ERGIC2: variants seen among roughly 807,000 people sequenced by gnomAD.
ERGIC2 encodes the protein ERGIC and golgi 2.
Under a neutral mutation model 52.5 loss-of-function variants are expected in ERGIC2, and 31 were observed. That is an observed-to-expected ratio of 0.59 (90% CI 0.44 to 0.80). The LOEUF (loss-of-function observed/expected upper bound fraction) is 0.80, where lower values mean the gene tolerates loss of function less well. Ranked by LOEUF, ERGIC2 falls within the 30% of genes least tolerant of loss-of-function variation. The pLI is 0.00. For missense variants in ERGIC2, 395 were observed against 455.2 expected, an observed-to-expected ratio of 0.87 and a Z score of 1.20; for synonymous variants, 129 against 140.6, an observed-to-expected ratio of 0.92 and a Z score of 0.58.
intron 6 of ERGIC2, among the ~76,000 whole-genome samples, chr12:29,358,574 C>G (rs188532297): frequency 1.3e-5 from 2 of 152,110 alleles, no homozygotes; most frequent in Admixed American, 1.3e-4. Context: ...ATTATAACAA[C>G]TATATCCAAT....
At chr12:29,367,046 GCAA>G in intron 4 of ERGIC2, 99 bp from the exon 5 acceptor site, 3 of 269,874 alleles carry the variant, frequency 1.1e-5, no homozygotes, top group East Asian at 5.9e-5. Context: ...AACTCACCAA[GCAA>G]AAAAAAAAAA....
At chr12:29,357,025 T>A (rs1940216301) in intron 7 of ERGIC2, among the ~76,000 whole-genome samples, 1 of 144,114 alleles carries the variant, frequency 6.9e-6, no homozygotes, top group Admixed American at 6.8e-5. Context: ...TGGAGTGTAG[T>A]GGTGCAATCT....
chr12:29,378,389 C>G (rs1273767207), intron 1 of ERGIC2, among the ~76,000 whole-genome samples: 6 of 152,150 alleles, frequency 3.9e-5, no homozygotes, highest in African/African-American at 1.4e-4. Context: ...TTGTTTTAAG[C>G]CTCCCAGCTT....
rs1037138615 is a variant in ERGIC2 at position 29,339,550 on chromosome 12, A to C, written c.*1606T>G. On this transcript the variant is annotated 3_prime_UTR_variant, in exon 14 of 14. Coordinates refer to ENST00000360150, the MANE Select transcript of ERGIC2 (RefSeq NM_016570.3). The stretch of plus-strand genomic sequence containing the variant: ...CCTAGAGAAGGCTCATTCACGATTC[A>C]GAATTTTCTGTTTAAAAATCTTTCA... The C allele has an allele frequency of 3.3e-5, 5 of 152,212 alleles. No individual in the cohort carries two copies. Among genetic ancestry groups the C allele is most frequent in the Non-Finnish European group, 5.9e-5 (4 of 68,018 alleles). 9.4% of individuals were successfully genotyped at this position (152,212 alleles called of 1,614,324 possible).
Position 29,339,586 on chromosome 12 carries a change from T to C in ERGIC2, c.*1570A>G, listed in dbSNP as rs1276966923. On this transcript the variant is annotated 3_prime_UTR_variant, in exon 14 of 14. Coordinates refer to ENST00000360150, the MANE Select transcript of ERGIC2 (RefSeq NM_016570.3). ...TTTAAAAATCTTTCAAAGTATGTTATATCACTTATTTTCATCAGTTAACGT... is the reference window on the plus strand; with the variant it reads ...TTTAAAAATCTTTCAAAGTATGTTACATCACTTATTTTCATCAGTTAACGT... 2.0e-5 allele frequency: 3 copies of C among 152,186 alleles called. No homozygotes were observed. The highest frequency in any genetic ancestry group is 4.4e-5 in the Non-Finnish European group (3 of 68,014). 9.4% of individuals were successfully genotyped at this position (152,186 alleles called of 1,614,324 possible).
intron 10 of ERGIC2, among the ~76,000 whole-genome samples, chr12:29,346,019 T>G (rs533830227): frequency 6.6e-6 from 1 of 151,850 alleles, no homozygotes; most frequent in South Asian, 2.1e-4. Context: ...ACAAAAAAAA[T>G]TTTTAAAAGA....
chr12:29,358,064 C>T (rs141790586), intron 6 of ERGIC2, among the ~76,000 whole-genome samples: 1 of 152,274 alleles, frequency 6.6e-6, no homozygotes, highest in Non-Finnish European at 1.5e-5. Flanking sequence ...TTATCTTTGT[C>T]AGACACTGAA....
intron 1 of ERGIC2, among the ~76,000 whole-genome samples, chr12:29,375,096 A>T (rs1940497079): frequency 6.6e-6 from 1 of 151,988 alleles, no homozygotes; most frequent in South Asian, 2.1e-4. Flanking sequence ...TGCCAGAAAT[A>T]TTTTTTCTTC....
intron 5 of ERGIC2, 127 bp downstream of exon 5, chr12:29,366,750 G>A: frequency 2.0e-6 from 1 of 505,878 alleles, no homozygotes. Flanking sequence ...CAAAGAATAT[G>A]GATTACTTTT....
intron 8 of ERGIC2, 84 bp downstream of exon 8, chr12:29,356,298 C>T (rs1940203482): frequency 2.5e-6 from 2 of 792,980 alleles, no homozygotes; most frequent in East Asian, 5.3e-5. Flanking sequence ...GCTGGGATTA[C>T]AGGCGCGAGC....
At chr12:29,377,930 T>C (rs1012383732) in intron 1 of ERGIC2, among the ~76,000 whole-genome samples, 1 of 152,244 alleles carries the variant, frequency 6.6e-6, no homozygotes, top group Non-Finnish European at 1.5e-5. Flanking sequence ...CTATTTTTAA[T>C]ACATATTTGG....
chr12:29,372,242 C>G (rs1940451096), intron 1 of ERGIC2, among the ~76,000 whole-genome samples: 1 of 152,058 alleles, frequency 6.6e-6, no homozygotes, highest in South Asian at 2.1e-4. Flanking sequence ...ACCTAGGAGG[C>G]TGAGGCAGGA....
chr12:29,344,721 C>T (rs1940022800), intron 11 of ERGIC2, among the ~76,000 whole-genome samples: 2 of 151,804 alleles, frequency 1.3e-5, no homozygotes, highest in South Asian at 4.1e-4. Flanking sequence ...AGTTATAAGG[C>T]TAGTAAAAGA....
Position 29,356,968 on chromosome 12 carries a change from CTT to C in ERGIC2, c.477-493_477-492del, listed in dbSNP as rs1004018120. ...ATAGCATTTCCAAATATCCACGAAT[CTT>C]TTTTTTTTTTCTTTTGAGACACAGT... On this transcript the variant is annotated intron_variant, in intron 7 of 13. Coordinates refer to ENST00000360150, the MANE Select transcript of ERGIC2 (RefSeq NM_016570.3). 3.4e-5 allele frequency among the ~76,000 whole-genome samples: 5 copies of C among 145,920 alleles called. No homozygotes were observed. In the South Asian group the frequency reaches 6.5e-4, roughly 19 times the overall value.
At chr12:29,362,265 T>C (rs532634720) in intron 5 of ERGIC2, among the ~76,000 whole-genome samples, 1 of 152,080 alleles carries the variant, frequency 6.6e-6, no homozygotes, top group Non-Finnish European at 1.5e-5. Flanking sequence ...ATATCCACAA[T>C]TTAATTTTGC....
chr12:29,344,436 T>C (rs1940013967), intron 11 of ERGIC2, among the ~76,000 whole-genome samples: 1 of 152,208 alleles, frequency 6.6e-6, no homozygotes, highest in African/African-American at 2.4e-5. Flanking sequence ...TTGAGGTGTT[T>C]GCCAATCTTA....
At chr12:29,344,560 A>T (rs1459564397) in intron 11 of ERGIC2, among the ~76,000 whole-genome samples, 1 of 152,112 alleles carries the variant, frequency 6.6e-6, no homozygotes, top group African/African-American at 2.4e-5. Context: ...ACATACCTAT[A>T]CATATATATG....
intron 3 of ERGIC2, among the ~76,000 whole-genome samples, chr12:29,368,902 C>A (rs927481528): frequency 1.3e-5 from 2 of 151,844 alleles, no homozygotes; most frequent in African/African-American, 4.8e-5. Context: ...AAGTAAATCA[C>A]CTGATGCTTA....
chr12:29,358,643 ACTT>A (rs1940242076), intron 6 of ERGIC2, among the ~76,000 whole-genome samples: 2 of 152,250 alleles, frequency 1.3e-5, no homozygotes, highest in South Asian at 4.1e-4. Flanking sequence ...TAGGAACACT[ACTT>A]TCTGCTCAAT....
Sources: gnomAD v4.1 joint callset for allele counts (sites outside exome capture counted in the v4.1 genomes callset) on GRCh38, gnomAD v4.1.1 for gene constraint, MANE v1.5 for transcripts, NCBI Gene and HGNC (gene_info 2026-07-23, HGNC 2026-07-21) for gene names.